BRCA1: variants seen among roughly 807,000 people sequenced by gnomAD.
The protein encoded by BRCA1 is breast cancer type 1 susceptibility protein.
BRCA1 carries 140 observed loss-of-function variants against 173.7 expected under a neutral mutation model. That is an observed-to-expected ratio of 0.81 (90% CI 0.70 to 0.93). The LOEUF (loss-of-function observed/expected upper bound fraction) is 0.93. Among genes scored for constraint, BRCA1 ranks in the 40% least tolerant of loss-of-function variants. The pLI is 0.00. For missense variants in BRCA1, 1,983 were observed against 2,172.5 expected, an observed-to-expected ratio of 0.91 and a Z score of 1.73; for synonymous variants, 662 against 756.0, an observed-to-expected ratio of 0.88 and a Z score of 2.04.
At chr17:43,096,430 G>C (rs2054141189) in intron 8 of BRCA1, among the ~76,000 whole-genome samples, 1 of 150,814 alleles carries the variant, frequency 6.6e-6, no homozygotes, top group Non-Finnish European at 1.5e-5. Context: ...CAATTAACCG[G>C]GCGTGGTGGT....
chr17:43,167,587 C>T (rs1365110281), intron 1 of BRCA1: 1 of 152,168 alleles, frequency 6.6e-6, no homozygotes, highest in Non-Finnish European at 1.5e-5. Context: ...CAGGGTGTGG[C>T]ACCTGGGGTG....
intron 4 of BRCA1, among the ~76,000 whole-genome samples, chr17:43,106,117 T>C (rs1255123980): frequency 1.4e-5 from 2 of 146,590 alleles, no homozygotes; most frequent in Non-Finnish European, 3.0e-5. Context: ...GGACCCTGTC[T>C]TAAAAAAAAA....
chr17:43,100,678 A>ATAAC (rs1491277616), intron 6 of BRCA1, among the ~76,000 whole-genome samples: 400 of 36,204 alleles, frequency 0.011, 64 homozygotes, highest in African/African-American at 0.047. Context: ...ATATATATAT[A>ATAAC]ATATATATAT....
intron 21 of BRCA1, among the ~76,000 whole-genome samples, chr17:43,048,577 C>T (rs2051042980): frequency 6.6e-6 from 1 of 150,472 alleles, no homozygotes; most frequent in Non-Finnish European, 1.5e-5. Context: ...TGCAGTGGTG[C>T]AATCTTGGCT....
chr17:43,149,117 G>A (rs555225035), intron 1 of BRCA1, among the ~76,000 whole-genome samples: 3 of 149,340 alleles, frequency 2.0e-5, no homozygotes, highest in African/African-American at 5.0e-5. Flanking sequence ...TTTCCCCCCC[G>A]AGACAGAGTC....
At chr17:43,055,004 G>C (rs75240975) in intron 19 of BRCA1, among the ~76,000 whole-genome samples, 1 of 151,990 alleles carries the variant, frequency 6.6e-6, no homozygotes, top group Non-Finnish European at 1.5e-5. Context: ...CCCGCCTTGG[G>C]CTCCCAAAGT....
chr17:43,098,098 C>CA (rs1481252307), intron 7 of BRCA1, among the ~76,000 whole-genome samples: 2 of 148,446 alleles, frequency 1.3e-5, no homozygotes, highest in African/African-American at 5.0e-5. Context: ...GATCATAGCT[C>CA]ACTACAGCCT....
intron 11 of BRCA1, among the ~76,000 whole-genome samples, chr17:43,083,344 C>A (rs1169620867): frequency 6.6e-6 from 1 of 151,992 alleles, no homozygotes; most frequent in African/African-American, 2.4e-5. Flanking sequence ...TTTGTAGAAA[C>A]AGGGTTTTAC....
At chr17:43,139,762 G>T (rs4792978) in intron 1 of BRCA1, 148,451 of 425,506 alleles carry the variant, frequency 0.35, 27,251 homozygotes, top group South Asian at 0.5. Flanking sequence ...TCATCATTTA[G>T]CTCCCACTTA....
Position 43,139,423 on chromosome 17 carries a change from C to T in BRCA1, c.-19-15308G>A, listed in dbSNP as rs183686171. Among the ~76,000 whole-genome samples, 29 of 151,562 alleles carry T rather than the reference C, an allele frequency of 1.9e-4. No homozygotes were observed. In the East Asian group the frequency reaches 2.3e-3, roughly 12 times the overall value. The stretch of plus-strand genomic sequence containing the variant: ...CTGTTGCCCAGGCTAGAGGCACGAT[C>T]TCGGCTCACTGCAACTTCCGCCTCC... On this transcript the variant is annotated intron_variant, in intron 1 of 7. Coordinates refer to the BRCA1 transcript ENST00000634433.
chr17:43,074,967 G>T (rs2052643668), intron 13 of BRCA1, among the ~76,000 whole-genome samples: 1 of 138,686 alleles, frequency 7.2e-6, no homozygotes, highest in Admixed American at 7.8e-5. Flanking sequence ...AGGAAAGAAA[G>T]AAAAGAAAAG....
intron 19 of BRCA1, among the ~76,000 whole-genome samples, chr17:43,054,994 C>T (rs1383743745): frequency 6.6e-6 from 1 of 152,164 alleles, no homozygotes; most frequent in Non-Finnish European, 1.5e-5. Flanking sequence ...AGGTGATCCA[C>T]CCGCCTTGGG....
chr17:43,101,618 T>A (rs1317035649), intron 6 of BRCA1, among the ~76,000 whole-genome samples: 1 of 152,120 alleles, frequency 6.6e-6, no homozygotes, highest in East Asian at 1.9e-4. Flanking sequence ...TTCTTGTGCC[T>A]CCGCCTCCCG....
chr17:43,132,372 A>G (rs1020405575), intron 1 of BRCA1, among the ~76,000 whole-genome samples: 1 of 152,036 alleles, frequency 6.6e-6, no homozygotes, highest in African/African-American at 2.4e-5. Context: ...TGAGCCCCAC[A>G]CTGTTTTAAG....
intron 8 of BRCA1, among the ~76,000 whole-genome samples, chr17:43,096,460 T>TG (rs2054142390): frequency 6.7e-6 from 1 of 150,248 alleles, no homozygotes; most frequent in Non-Finnish European, 1.5e-5. Context: ...TAGTCCCAGC[T>TG]ACTCGTGAGA....
rs148136491 is a variant in BRCA1, at chr17:43,060,439, C to T, written c.5193+2894G>A. ...CTGACCTCAGGGGATCTGCCTGCCT[C>T]GGCCTCCTAGAGTGCTGGAATTACA... On this transcript the variant is annotated intron_variant, in intron 18 of 22. Transcript: ENST00000357654. 2.6e-4 allele frequency among the ~76,000 whole-genome samples: 39 copies of T among 150,232 alleles called. No homozygotes were observed. The South Asian group carries it at 3.8e-3, about 15-fold the overall frequency.
At chr17:43,145,047 A>T in intron 1 of BRCA1, 1 of 799,364 alleles carries the variant, frequency 1.3e-6, no homozygotes, top group Non-Finnish European at 2.2e-6. Flanking sequence ...CCTCCTGCAA[A>T]AGTGGAAGCG....
chr17:43,077,044 C>T (rs1022762424), intron 12 of BRCA1, among the ~76,000 whole-genome samples: 3 of 152,150 alleles, frequency 2.0e-5, no homozygotes, highest in Non-Finnish European at 2.9e-5. Context: ...TCCCTACTGC[C>T]TCCACATTGA....
chr17:43,074,648 A>G (rs2052625764), intron 13 of BRCA1, 127 bp from the exon 14 acceptor site: 1 of 838,356 alleles, frequency 1.2e-6, no homozygotes, highest in Non-Finnish European at 1.9e-6. Context: ...CTGGCAAAAA[A>G]GAGCCCGCAA....
Sources: gnomAD v4.1 joint callset for allele counts (sites outside exome capture counted in the v4.1 genomes callset) on GRCh38, gnomAD v4.1.1 for gene constraint, MANE v1.5 for transcripts, NCBI Gene and HGNC (gene_info 2026-07-23, HGNC 2026-07-21) for gene names.